KIF6: variants seen among roughly 807,000 people sequenced by gnomAD.
KIF6 encodes kinesin family member 6.
KIF6 carries 106 observed loss-of-function variants against 112.7 expected under a neutral mutation model. The ratio of observed to expected loss-of-function variants is 0.94; its 90% CI spans 0.80 to 1.11. KIF6 has a LOEUF of 1.11. KIF6 is among the 50% of genes least tolerant of loss of function. The pLI is 0.00. For synonymous variants in KIF6, 339 were observed against 339.9 expected (o/e 1.00, Z 0.03); for missense variants, 929 against 964.0 (o/e 0.96, Z 0.48).
chr6:39,518,639 T>C (rs578163025), intron 13 of KIF6, among the ~76,000 whole-genome samples: 3 of 152,218 alleles, frequency 2.0e-5, no homozygotes, highest in Admixed American at 6.5e-5. Context: ...AAAGATGTCA[T>C]GTATATATTC....
intron 13 of KIF6, among the ~76,000 whole-genome samples, chr6:39,476,828 C>A (rs1581937961): frequency 6.6e-6 from 1 of 152,290 alleles, no homozygotes; most frequent in South Asian, 2.1e-4. Flanking sequence ...AATCTTTGAA[C>A]ATCTGTATGT....
Position 39,454,312 on chromosome 6 carries a change from AAG to A in KIF6, c.1646-23153_1646-23152del, listed in dbSNP as rs1054666426. On this transcript the variant is annotated intron_variant, in intron 13 of 22. Coordinates refer to ENST00000287152, the MANE Select transcript of KIF6 (RefSeq NM_145027.6). ...AGATGAAAGAGAGATTGAGATGTGA[AAG>A]AGAGAGAGTAATAAGATCCAACACA... Among the ~76,000 whole-genome samples the A allele has an allele frequency of 2.0e-5, 3 of 152,106 alleles. No homozygotes were observed. In the East Asian group the frequency reaches 5.8e-4, roughly 29 times the overall value.
intron 7 of KIF6, among the ~76,000 whole-genome samples, chr6:39,595,107 C>A (rs1782179711): frequency 6.6e-6 from 1 of 152,120 alleles, no homozygotes; most frequent in African/African-American, 2.4e-5. Context: ...GAAGGGAAAG[C>A]TACAAGGCTA....
At chr6:39,441,569 TG>T (rs1452477826) in intron 13 of KIF6, among the ~76,000 whole-genome samples, 3 of 152,134 alleles carry the variant, frequency 2.0e-5, no homozygotes, top group Non-Finnish European at 4.4e-5. Flanking sequence ...TTAAAGGGCC[TG>T]GTGTAGCCCA....
intron 7 of KIF6, among the ~76,000 whole-genome samples, chr6:39,591,418 G>A (rs530135614): frequency 5.9e-5 from 9 of 152,298 alleles, no homozygotes; most frequent in Admixed American, 2.0e-4. Flanking sequence ...TCCCTCACTC[G>A]TAAAAGTGGT....
chr6:39,672,327 G>T (rs1203053855), intron 3 of KIF6, among the ~76,000 whole-genome samples: 1 of 152,116 alleles, frequency 6.6e-6, no homozygotes, highest in Non-Finnish European at 1.5e-5. Flanking sequence ...GGTAACATTG[G>T]TTTTGTTATA....
chr6:39,348,300 G>A (rs1763957102), intron 19 of KIF6, among the ~76,000 whole-genome samples: 1 of 152,144 alleles, frequency 6.6e-6, no homozygotes, highest in Non-Finnish European at 1.5e-5. Flanking sequence ...AGGTGGGAGG[G>A]GGTGGAAGAG....
At chr6:39,367,363 C>T (rs1765638350) in intron 16 of KIF6, among the ~76,000 whole-genome samples, 2 of 152,184 alleles carry the variant, frequency 1.3e-5, no homozygotes, top group African/African-American at 2.4e-5. Context: ...ACAGGAGGCA[C>T]AGGGAGCCCT....
intron 3 of KIF6, among the ~76,000 whole-genome samples, chr6:39,641,481 C>A (rs2199174): frequency 6.8e-6 from 1 of 146,204 alleles, no homozygotes; most frequent in Non-Finnish European, 1.5e-5. Flanking sequence ...CATCACACAC[C>A]GGGGACTGTT....
rs1762808468 is a variant in KIF6 at position 39,333,445 on chromosome 6, G to C, written c.*3087C>G. 2 of 152,308 alleles carry C rather than the reference G, an allele frequency of 1.3e-5. No individual in the cohort carries two copies. The highest frequency in any genetic ancestry group is 2.9e-5 in the Non-Finnish European group (2 of 68,054). 9.4% of individuals were successfully genotyped at this position (152,308 alleles called of 1,614,324 possible). A position where few individuals can be genotyped will look rare whatever the true frequency, so the allele number is the denominator to read the frequency against. On this transcript the variant is annotated 3_prime_UTR_variant, in exon 23 of 23. Coordinates refer to ENST00000287152, the MANE Select transcript of KIF6 (RefSeq NM_145027.6). ...AGGCTCTGCTCCAGGCTGTAGACTGGGCTCAGGTCTGCTCTCTGGATGTTC... is the reference window on the plus strand; with the variant it reads ...AGGCTCTGCTCCAGGCTGTAGACTGCGCTCAGGTCTGCTCTCTGGATGTTC...
At chr6:39,662,094 AGTT>A (rs1786184016) in intron 3 of KIF6, among the ~76,000 whole-genome samples, 1 of 152,196 alleles carries the variant, frequency 6.6e-6, no homozygotes, top group Non-Finnish European at 1.5e-5. Context: ...GGGCCATTCT[AGTT>A]GTTTTATTTA....
intron 21 of KIF6, among the ~76,000 whole-genome samples, chr6:39,345,486 G>T (rs1173022351): frequency 1.3e-5 from 2 of 152,294 alleles, no homozygotes; most frequent in Admixed American, 1.3e-4. Flanking sequence ...CCCAACACAG[G>T]GCCCTGGTGA....
At chr6:39,671,261 G>A (rs112581080) in intron 3 of KIF6, among the ~76,000 whole-genome samples, 282 of 152,336 alleles carry the variant, frequency 1.9e-3, no homozygotes, top group African/African-American at 6.6e-3. Context: ...TGTAGTATTT[G>A]TAGACTCAAT....
At chr6:39,346,085 T>TCTCTC (rs1212794740) in intron 20 of KIF6, among the ~76,000 whole-genome samples, 221 of 21,596 alleles carry the variant, frequency 0.01, 28 homozygotes, top group Non-Finnish European at 0.014. Context: ...TCTCTCTCTC[T>TCTCTC]CCCCCCCCTC....
intron 13 of KIF6, among the ~76,000 whole-genome samples, chr6:39,478,642 T>G (rs1774598735): frequency 6.6e-6 from 1 of 152,152 alleles, no homozygotes. Context: ...TGTTCTAGTT[T>G]ACATTCCCAC....
intron 10 of KIF6, among the ~76,000 whole-genome samples, chr6:39,552,948 C>T (rs911469901): frequency 2.0e-5 from 3 of 152,090 alleles, no homozygotes; most frequent in African/African-American, 7.2e-5. Flanking sequence ...AAGCTGAAGG[C>T]TGAGATTGTG....
At chr6:39,685,614 G>A (rs980435406) in intron 3 of KIF6, among the ~76,000 whole-genome samples, 1 of 152,224 alleles carries the variant, frequency 6.6e-6, no homozygotes, top group African/African-American at 2.4e-5. Context: ...AATCATTTCA[G>A]TTAATATTTT....
chr6:39,336,325 T>C lies in KIF6; in HGVS notation c.*207A>G. On this transcript the variant is annotated 3_prime_UTR_variant, in exon 23 of 23. Transcript: ENST00000287152. ...GCAGCTCCAGCAACCACAGGAAGGA[T>C]GTTGTGGTCAGCCCCAGCCCCAGCC... The C allele has an allele frequency of 1.7e-6, 1 of 573,926 alleles. No homozygotes were observed. Among genetic ancestry groups the C allele is most frequent in the Non-Finnish European group, 3.1e-6 (1 of 322,052 alleles). The allele number at this position is 573,926 out of a possible 1,614,324, so 35.6% of individuals were successfully genotyped here.
intron 22 of KIF6, among the ~76,000 whole-genome samples, chr6:39,340,119 T>G (rs1763243696): frequency 6.6e-6 from 1 of 152,160 alleles, no homozygotes; most frequent in Non-Finnish European, 1.5e-5. Context: ...GTCTGAGAGG[T>G]CACGCCTGCT....
Sources: allele counts gnomAD v4.1 joint callset (sites outside exome capture counted in the v4.1 genomes callset), GRCh38; gene constraint gnomAD v4.1.1; transcripts MANE v1.5; gene names NCBI Gene and HGNC (gene_info 2026-07-23, HGNC 2026-07-21).